CCN4: variants seen among roughly 807,000 people sequenced by gnomAD.
CCN4 encodes the protein cellular communication network factor 4, also known as CCN family member 4.
In CCN4, 30 loss-of-function variants were observed where a neutral mutation model predicts 36.7. The ratio of observed to expected loss-of-function variants is 0.82; its 90% CI spans 0.61 to 1.11. The LOEUF is 1.11. Among genes scored for constraint, CCN4 ranks in the 50% least tolerant of loss-of-function variants. The probability of loss-of-function intolerance (pLI) is 0.00; values close to 1 mark genes in which losing one functional copy is unlikely to be tolerated. For missense variants in CCN4, 505 were observed against 504.9 expected (o/e 1.00, Z 0.00); for synonymous variants, 191 against 195.4 (o/e 0.98, Z 0.19).
intron 1 of CCN4, among the ~76,000 whole-genome samples, chr8:133,210,869 G>C (rs945040472): frequency 6.6e-5 from 10 of 152,196 alleles, no homozygotes; most frequent in Admixed American, 5.9e-4. Flanking sequence ...CAGAGAAAGG[G>C]GCCCCAGGTG....
At position 133,211,893 on chromosome 8, in the gene CCN4, G is replaced by T. The variant is rs541333425; in HGVS notation, c.70-971G>T. 3.3e-5 allele frequency among the ~76,000 whole-genome samples: 5 copies of T among 152,298 alleles called. 1 individual carries two copies. The highest frequency in any genetic ancestry group is 2.1e-4 in the South Asian group (1 of 4,828). ...TCGAGATAGAGCAAAGGGCACAGATGGGATTCAGGGGGGCAACCAGATGGG... is the reference window on the plus strand; with the variant it reads ...TCGAGATAGAGCAAAGGGCACAGATTGGATTCAGGGGGGCAACCAGATGGG... On this transcript the variant is annotated intron_variant, in intron 1 of 4. Coordinates refer to ENST00000250160, the MANE Select transcript of CCN4 (RefSeq NM_003882.4).
rs1853230343 is a variant in CCN4 at position 133,194,309 on chromosome 8, GTGT to G, written c.69+3097_69+3099del. 3.3e-5 allele frequency among the ~76,000 whole-genome samples: 4 copies of G among 121,650 alleles called. No individual in the cohort carries two copies. The East Asian group carries it at 8.0e-4, about 24-fold the overall frequency. The allele number at this position is 121,650 out of a possible 152,430, so 79.8% of individuals were successfully genotyped here. On this transcript the variant is annotated intron_variant, in intron 1 of 4. Transcript: ENST00000250160. ...GGTGTGTCTGGTGTGTGTGTGTGGT[GTGT>G]GTGTGTATGTGTGTGCCTGTGTGGT... is the stretch of plus-strand genomic sequence containing the variant.
chr8:133,207,139 C>T lies in CCN4; in HGVS notation c.70-5725C>T, dbSNP rs540748594. 6.6e-5 allele frequency among the ~76,000 whole-genome samples: 10 copies of T among 152,358 alleles called. No homozygotes were observed. In the East Asian group the frequency reaches 1.9e-3, roughly 29 times the overall value. On this transcript the variant is annotated intron_variant, in intron 1 of 4. Coordinates refer to ENST00000250160, the MANE Select transcript of CCN4 (RefSeq NM_003882.4). ...AAAGGAGTTCTAAGATGACTCACAGCGTTAAGACTCACCGGCTCTCCAGGA... is the reference window on the plus strand; with the variant it reads ...AAAGGAGTTCTAAGATGACTCACAGTGTTAAGACTCACCGGCTCTCCAGGA...
chr8:133,204,500 G>T (rs1204314628), intron 1 of CCN4, among the ~76,000 whole-genome samples: 1 of 152,206 alleles, frequency 6.6e-6, no homozygotes, highest in East Asian at 1.9e-4. Flanking sequence ...AAGGGTTGCT[G>T]GTCAAACTGC....
intron 1 of CCN4, among the ~76,000 whole-genome samples, chr8:133,207,857 A>G (rs1332341407): frequency 2.0e-5 from 3 of 152,186 alleles, no homozygotes; most frequent in Non-Finnish European, 4.4e-5. Context: ...TATTCACCCT[A>G]TCAACAGATG....
chr8:133,199,541 A>C (rs949292974), intron 1 of CCN4, among the ~76,000 whole-genome samples: 12 of 152,188 alleles, frequency 7.9e-5, no homozygotes, highest in Non-Finnish European at 2.9e-5. Context: ...ATAATTAGAC[A>C]GGGAATATCA....
Position 133,229,124 on chromosome 8 carries a change from C to T in CCN4, c.*1414C>T, listed in dbSNP as rs1375509271. 6.6e-6 allele frequency: 1 copy of T among 152,124 alleles called. No individual in the cohort carries two copies. The highest frequency in any genetic ancestry group is 6.5e-5 in the Admixed American group (1 of 15,280). The allele number at this position is 152,124 out of a possible 1,614,324, so 9.4% of individuals were successfully genotyped here. A position where few individuals can be genotyped will look rare whatever the true frequency, so the allele number is the denominator to read the frequency against. On this transcript the variant is annotated 3_prime_UTR_variant, in exon 5 of 5. Coordinates refer to ENST00000250160, the MANE Select transcript of CCN4 (RefSeq NM_003882.4). ...CTTCACGACAATGTTGAGAAGTTCC[C>T]ATTATTATTTCTGTTCTTACAAATG...
chr8:133,214,397 A>T (rs71512335), intron 2 of CCN4, among the ~76,000 whole-genome samples: 151,828 of 151,828 alleles, frequency 1, 75,914 homozygotes, highest in Non-Finnish European at 1. Flanking sequence ...TGAGATCAGG[A>T]ACTGGCTTTA....
At chr8:133,222,930 G>A (rs1854586829) in intron 3 of CCN4, among the ~76,000 whole-genome samples, 1 of 151,920 alleles carries the variant, frequency 6.6e-6, no homozygotes, top group Non-Finnish European at 1.5e-5. Flanking sequence ...TGCACTGGAG[G>A]ATGTTTAGTA....
chr8:133,194,689 G>GGGTGGGGA (rs1853283541), intron 1 of CCN4, among the ~76,000 whole-genome samples: 1 of 120,480 alleles, frequency 8.3e-6, no homozygotes, highest in African/African-American at 3.8e-5. Context: ...TGTGTGGTGT[G>GGGTGGGGA]TGTGTGGAGG....
At chr8:133,191,815 C>T (rs1227414013) in intron 1 of CCN4, among the ~76,000 whole-genome samples, 3 of 151,926 alleles carry the variant, frequency 2.0e-5, no homozygotes. Context: ...CCTCTGCAGT[C>T]TGCAGAGTGT....
intron 1 of CCN4, among the ~76,000 whole-genome samples, chr8:133,203,371 C>T (rs1382231121): frequency 1.3e-5 from 2 of 152,036 alleles, no homozygotes; most frequent in Non-Finnish European, 2.9e-5. Context: ...GTGTGATGGG[C>T]GGGTGGAGGG....
intron 2 of CCN4, among the ~76,000 whole-genome samples, chr8:133,216,700 G>A (rs1306562372): frequency 6.6e-6 from 1 of 152,198 alleles, no homozygotes; most frequent in East Asian, 1.9e-4. Flanking sequence ...GTGTGGTTTG[G>A]TGGAAGGATT....
rs1156684954 is a variant in CCN4 at position 133,229,257 on chromosome 8, T to G, written c.*1547T>G. Reference sequence around the variant, plus strand: ...TTGGACTGTCTTTATAACCCATATTTTCCCCCTGTTTTTAGAGCTTCCAAA... The same window carrying G: ...TTGGACTGTCTTTATAACCCATATTGTCCCCCTGTTTTTAGAGCTTCCAAA... On this transcript the variant is annotated 3_prime_UTR_variant, in exon 5 of 5. Transcript: ENST00000250160. 1 of 152,206 alleles carries G rather than the reference T, an allele frequency of 6.6e-6. No individual in the cohort carries two copies. Among genetic ancestry groups the G allele is most frequent in the East Asian group, 1.9e-4 (1 of 5,204 alleles). The allele number at this position is 152,206 out of a possible 1,614,324, so 9.4% of individuals were successfully genotyped here. A position where few individuals can be genotyped will look rare whatever the true frequency, so the allele number is the denominator to read the frequency against.
At chr8:133,222,164 G>A (rs930960315) in intron 3 of CCN4, among the ~76,000 whole-genome samples, 1 of 152,170 alleles carries the variant, frequency 6.6e-6, no homozygotes, top group Non-Finnish European at 1.5e-5. Flanking sequence ...GGGTGGGTAG[G>A]TGGATAGATG....
In CCN4 at chr8:133,229,185, C is replaced by G. The variant is rs1854862728; in HGVS notation, c.*1475C>G. On this transcript the variant is annotated 3_prime_UTR_variant, in exon 5 of 5. Coordinates refer to ENST00000250160, the MANE Select transcript of CCN4 (RefSeq NM_003882.4). ...GCTCATAGAGGTGAGAAAACTCAAC[C>G]AGAGTCACCCAGTTGGTGACTGGGA... 1.3e-5 allele frequency: 2 copies of G among 152,152 alleles called. No homozygotes were observed. Among genetic ancestry groups the G allele is most frequent in the East Asian group, 3.9e-4 (2 of 5,188 alleles). The allele number at this position is 152,152 out of a possible 1,614,324, so 9.4% of individuals were successfully genotyped here.
In CCN4 at chr8:133,230,716, A is replaced by T. The variant is rs1421901190; in HGVS notation, c.*3006A>T. 1 of 152,242 alleles carries T rather than the reference A, an allele frequency of 6.6e-6. No individual in the cohort carries two copies. The highest frequency in any genetic ancestry group is 1.5e-5 in the Non-Finnish European group (1 of 68,040). 9.4% of individuals were successfully genotyped at this position (152,242 alleles called of 1,614,324 possible). A position where few individuals can be genotyped will look rare whatever the true frequency, so the allele number is the denominator to read the frequency against. On this transcript the variant is annotated 3_prime_UTR_variant, in exon 5 of 5. Transcript: ENST00000250160. ...CATTCATACTTAGAGTGAATTACTC[A>T]GGTGTGCTTAGGTGTGCAAAAGGGA...
At chr8:133,223,131 A>G (rs1379875985) in intron 3 of CCN4, among the ~76,000 whole-genome samples, 1 of 151,976 alleles carries the variant, frequency 6.6e-6, no homozygotes, top group East Asian at 1.9e-4. Flanking sequence ...GCGTGGAGGA[A>G]AGCTTTGTCC....
intron 1 of CCN4, among the ~76,000 whole-genome samples, chr8:133,210,416 TG>T (rs2130569866): frequency 7.6e-6 from 1 of 131,590 alleles, no homozygotes; most frequent in African/African-American, 2.5e-5. Context: ...TGTGTGTGTG[TG>T]TGTGTTTACT....
Sources: allele counts gnomAD v4.1 joint callset (sites outside exome capture counted in the v4.1 genomes callset), GRCh38; gene constraint gnomAD v4.1.1; transcripts MANE v1.5; gene names NCBI Gene and HGNC (gene_info 2026-07-23, HGNC 2026-07-21).